Variants in GID4 observed in about 807,000 individuals in gnomAD.
GID4 encodes glucose-induced degradation protein 4 homolog.
A neutral mutation model predicts 32.4 loss-of-function variants in GID4; 7 were observed. The ratio of observed to expected loss-of-function variants is 0.22; its 90% CI spans 0.12 to 0.41. GID4 has a LOEUF of 0.41. Ranked by LOEUF, GID4 falls within the 10% of genes least tolerant of loss-of-function variation. The pLI, the probability that GID4 is intolerant of heterozygous loss-of-function variation, is 1.00. For missense variants in GID4, 309 were observed against 400.0 expected, an observed-to-expected ratio of 0.77 and a Z score of 1.94; for synonymous variants, 166 against 170.0, an observed-to-expected ratio of 0.98 and a Z score of 0.18.
At chr17:18,063,107 T>G (rs1363534063) in intron 5 of GID4, among the ~76,000 whole-genome samples, 2 of 129,358 alleles carry the variant, frequency 1.5e-5, no homozygotes, top group Non-Finnish European at 3.2e-5. Context: ...AATAAATAAA[T>G]AAATAAATAA....
chr17:18,066,312 A>G lies in GID4; in HGVS notation c.*1069A>G, dbSNP rs534757716. 5.9e-5 allele frequency: 9 copies of G among 152,654 alleles called. No individual in the cohort carries two copies. In the East Asian group the frequency reaches 1.7e-3, roughly 29 times the overall value. The allele number at this position is 152,654 out of a possible 1,614,324, so 9.5% of individuals were successfully genotyped here. ...TTGTGCCGCCTCCTTTTGCTACTCAAAACAGCAATGCTTGGCGGCAGCCTT... is the reference window on the plus strand; with the variant it reads ...TTGTGCCGCCTCCTTTTGCTACTCAGAACAGCAATGCTTGGCGGCAGCCTT... On this transcript the variant is annotated 3_prime_UTR_variant, in exon 6 of 6. Coordinates refer to ENST00000268719, the MANE Select transcript of GID4 (RefSeq NM_024052.5).
intron 3 of GID4, among the ~76,000 whole-genome samples, chr17:18,055,528 G>A (rs762053032): frequency 1.4e-4 from 22 of 152,044 alleles, no homozygotes; most frequent in East Asian, 1.9e-4. Flanking sequence ...TTGCTCTGTC[G>A]TCTATGCTGG....
intron 5 of GID4, among the ~76,000 whole-genome samples, chr17:18,062,523 T>C (rs1391363454): frequency 1.3e-5 from 2 of 152,172 alleles, no homozygotes; most frequent in African/African-American, 2.4e-5. Context: ...TTCTCCTGCC[T>C]CCTTGCTGCT....
intron 5 of GID4, among the ~76,000 whole-genome samples, chr17:18,063,892 G>A (rs951372374): frequency 1.3e-5 from 2 of 152,090 alleles, no homozygotes; most frequent in Non-Finnish European, 2.9e-5. Flanking sequence ...ACAGGCGCCT[G>A]CCACCACGTC....
At position 18,061,914 on chromosome 17, in the gene GID4, A is replaced by C; in HGVS notation, c.778A>C (p.Ile260Leu). 1 of 1,613,812 alleles carries C rather than the reference A, an allele frequency of 6.2e-7. No homozygotes were observed. The highest frequency in any genetic ancestry group is 8.5e-7 in the Non-Finnish European group (1 of 1,179,768). Reference protein sequence around the residue: ...SGASFAGFYYICFQKSAASIE... With the variant: ...SGASFAGFYYLCFQKSAASIE... Reference sequence around the variant, plus strand: ...TGCTTCTTTTGCCGGGTTCTACTACATCTGCTTTCAGAAGTCAGCAGCCTC... The same window carrying C: ...TGCTTCTTTTGCCGGGTTCTACTACCTCTGCTTTCAGAAGTCAGCAGCCTC... The change falls in exon 5 of 6, where the codon ATC (isoleucine) becomes CTC (leucine). Residue 260 changes from isoleucine to leucine, a missense_variant. By Grantham distance (5) the Ile-to-Leu change is conservative. Around this residue, in one of 2 missense-constraint regions of GID4, gnomAD observed 116 missense variants for 214.2 expected, o/e 0.54. Coordinates refer to ENST00000268719, the MANE Select transcript of GID4 (RefSeq NM_024052.5). The surrounding 1 kb of genome is among the most constrained non-coding windows in gnomAD (Gnocchi z 4.4).
chr17:18,049,354 A>G (rs1597692486), intron 2 of GID4, among the ~76,000 whole-genome samples: 1 of 145,976 alleles, frequency 6.9e-6, no homozygotes. Flanking sequence ...AAAAAAAAGG[A>G]GATAAGTGTC....
chr17:18,039,717 C>T lies in GID4; in HGVS notation c.253C>T (p.Pro85Ser). 6.7e-7 allele frequency: 1 copy of T among 1,495,312 alleles called. No individual in the cohort carries two copies. Among genetic ancestry groups the T allele is most frequent in the Non-Finnish European group, 8.9e-7 (1 of 1,121,908 alleles). 92.6% of individuals were successfully genotyped at this position (1,495,312 alleles called of 1,614,324 possible). A position where few individuals can be genotyped will look rare whatever the true frequency, so the allele number is the denominator to read the frequency against. ...PALAPGDPAMPVRTECPPPAG... is the reference protein window; with the variant it reads ...PALAPGDPAMSVRTECPPPAG... ...CCTGGCTCCGGGGGACCCCGCGATG[C>T]CGGTCCGCACCGAGTGTCCCCCGCC... The change falls in exon 1 of 6, where the codon CCG becomes TCG. Residue 85 changes from proline (P) to serine (S), a missense_variant. Pro to Ser is a moderately conservative substitution (Grantham distance 74, BLOSUM62 -1). Transcript: ENST00000268719. The surrounding 1 kb of genome is among the most constrained non-coding windows in gnomAD (Gnocchi z 5.3).
chr17:18,049,669 C>T (rs879828144), intron 2 of GID4, among the ~76,000 whole-genome samples: 12 of 151,902 alleles, frequency 7.9e-5, no homozygotes, highest in Admixed American at 6.6e-4. Context: ...GATGAAGTCT[C>T]GCTCTGTTGC....
Position 18,061,833 on chromosome 17 carries a change from A to G in GID4, c.709-12A>G, listed in dbSNP as rs1420817145. 2.5e-6 allele frequency: 4 copies of G among 1,613,946 alleles called. No individual in the cohort carries two copies. The highest frequency in any genetic ancestry group is 3.4e-6 in the Non-Finnish European group (4 of 1,179,928). ...ATGCTATCTGTTACTGACCCTCTTCATCTGTGTGCAGGAACAGTTTCTGGT... is the reference window on the plus strand; with the variant it reads ...ATGCTATCTGTTACTGACCCTCTTCGTCTGTGTGCAGGAACAGTTTCTGGT... On this transcript the variant is annotated splice_polypyrimidine_tract_variant and intron_variant, in intron 4 of 5. Transcript: ENST00000268719. The surrounding 1 kb of genome is among the most constrained non-coding windows in gnomAD (Gnocchi z 4.4).
In GID4 at chr17:18,061,939, C is replaced by G; in HGVS notation, c.803C>G (p.Ser268Cys). The G allele has an allele frequency of 6.2e-7, 1 of 1,613,802 alleles. No homozygotes were observed. Among genetic ancestry groups the G allele is most frequent in the Non-Finnish European group, 8.5e-7 (1 of 1,179,880 alleles). Residue 268 changes from serine (S) to cysteine (C), a missense_variant, in exon 5 of 6, where the codon TCC (serine) becomes TGC (cysteine). By Grantham distance (112) the Ser-to-Cys change is moderately radical (BLOSUM62 -1). Around this residue, in one of 2 missense-constraint regions of GID4, gnomAD observed 116 missense variants for 214.2 expected, o/e 0.54. Coordinates refer to ENST00000268719, the MANE Select transcript of GID4 (RefSeq NM_024052.5). The surrounding 1 kb of genome is among the most constrained non-coding windows in gnomAD (Gnocchi z 4.4). ...ATCTGCTTTCAGAAGTCAGCAGCCTCCATAGAGGGCTACTACTACCATAGG... is the reference window on the plus strand; with the variant it reads ...ATCTGCTTTCAGAAGTCAGCAGCCTGCATAGAGGGCTACTACTACCATAGG... Reference protein sequence around the residue: ...YYICFQKSAASIEGYYYHRSS... With the variant: ...YYICFQKSAACIEGYYYHRSS...
chr17:18,062,296 A>G (rs2045023981), intron 5 of GID4: 1 of 274,476 alleles, frequency 3.6e-6, no homozygotes, highest in Non-Finnish European at 7.2e-6. Context: ...TTGAATTAGT[A>G]ACTAAAATGT....
intron 1 of GID4, among the ~76,000 whole-genome samples, chr17:18,041,509 T>A (rs1567583641): frequency 1.3e-5 from 2 of 152,220 alleles, no homozygotes; most frequent in South Asian, 2.1e-4. Context: ...GAAATACGAT[T>A]GTGGCTGAAA....
chr17:18,041,176 C>T (rs563650227), intron 1 of GID4, among the ~76,000 whole-genome samples: 68 of 152,132 alleles, frequency 4.5e-4, no homozygotes, highest in Non-Finnish European at 8.8e-4. Context: ...CTCTGAAAGG[C>T]ACTGTGTGCT....
intron 2 of GID4, among the ~76,000 whole-genome samples, chr17:18,048,725 T>C (rs1224684886): frequency 1.3e-5 from 2 of 150,748 alleles, no homozygotes; most frequent in East Asian, 2.0e-4. Flanking sequence ...TCACTGCAAC[T>C]TCCACCTCCC....
intron 2 of GID4, among the ~76,000 whole-genome samples, chr17:18,049,463 TG>T (rs1263320657): frequency 6.6e-6 from 1 of 152,136 alleles, no homozygotes; most frequent in African/African-American, 2.4e-5. Context: ...ATTTTAGGCT[TG>T]GGTGTACATG....
rs1467192292 is a variant in GID4, at chr17:18,068,383, A to T, written c.*3140A>T. The T allele has an allele frequency of 3.3e-5, 5 of 151,430 alleles. No individual in the cohort carries two copies. The highest frequency in any genetic ancestry group is 2.1e-4 in the South Asian group (1 of 4,800). 9.4% of individuals were successfully genotyped at this position (151,430 alleles called of 1,614,324 possible). ...CAATGTCCAAATAATTTAAAAAAAA[A>T]AATAAAGGTATTTAAGCAGTGAGTT... On this transcript the variant is annotated 3_prime_UTR_variant, in exon 6 of 6. Transcript: ENST00000268719.
intron 1 of GID4, 49 bp from the exon 2 acceptor site, chr17:18,045,098 C>T (rs1246377517): frequency 2.7e-6 from 4 of 1,461,660 alleles, no homozygotes; most frequent in Non-Finnish European, 3.8e-6. Context: ...CTGCATGTCC[C>T]CTAGTAAGTT....
At chr17:18,052,763 A>G (rs561846340) in intron 2 of GID4, among the ~76,000 whole-genome samples, 8 of 152,356 alleles carry the variant, frequency 5.3e-5, no homozygotes, top group South Asian at 2.1e-4. Flanking sequence ...AAGCCAGCAC[A>G]TGGCTTCTTG....
chr17:18,048,311 T>G (rs1203415557), intron 2 of GID4, among the ~76,000 whole-genome samples: 1 of 152,146 alleles, frequency 6.6e-6, no homozygotes, highest in Non-Finnish European at 1.5e-5. Flanking sequence ...TTCTCCTGCC[T>G]CAGCCTCCCG....
Sources: allele counts gnomAD v4.1 joint callset (sites outside exome capture counted in the v4.1 genomes callset), GRCh38; gene constraint gnomAD v4.1.1; regional missense constraint gnomAD v4.1.1; non-coding constraint Gnocchi (gnomAD v3.1); transcripts MANE v1.5; gene names NCBI Gene and HGNC (gene_info 2026-07-23, HGNC 2026-07-21).